RAF1: variants seen among roughly 807,000 people sequenced by gnomAD.
The protein encoded by RAF1 is RAF proto-oncogene serine/threonine-protein kinase.
In RAF1, 27 loss-of-function variants were observed where a neutral mutation model predicts 81.1. The observed-to-expected ratio is 0.33, with a 90% CI of 0.25 to 0.46. The LOEUF (loss-of-function observed/expected upper bound fraction) is 0.46, where lower values mean the gene tolerates loss of function less well. RAF1 is among the 20% of genes least tolerant of loss of function. RAF1 has a pLI of 1.00. For missense variants in RAF1, 598 were observed against 826.0 expected (o/e 0.72, Z 3.38); for synonymous variants, 298 against 294.0 (o/e 1.01, Z -0.14).
chr3:12,603,382 A>T (rs5746212), intron 8 of RAF1: 8,368 of 564,226 alleles, frequency 0.015, 102 homozygotes, highest in Admixed American at 0.041. Flanking sequence ...TATAAATTTA[A>T]CTTAGCAACT....
rs1189963978 is a variant in RAF1, at chr3:12,612,006, C to G, written c.264G>C (p.Val88=). The change falls in exon 3 of 18, where the codon GTG becomes GTC. Residue 88 remains valine, a synonymous_variant. Transcript: ENST00000442415. Reference sequence around the variant, plus strand: ...CACAGCACTCTGGTTGCAGGCCCCTCACCTTGAGTGCTTTCATAAGGCAGT... The same window carrying G: ...CACAGCACTCTGGTTGCAGGCCCCTGACCTTGAGTGCTTTCATAAGGCAGT... 6.2e-7 allele frequency: 1 copy of G among 1,614,192 alleles called. No homozygotes were observed. The highest frequency in any genetic ancestry group is 8.5e-7 in the Non-Finnish European group (1 of 1,180,032).
chr3:12,615,646 C>T (rs949419125), intron 2 of RAF1, among the ~76,000 whole-genome samples: 4 of 152,272 alleles, frequency 2.6e-5, no homozygotes, highest in East Asian at 1.9e-4. Context: ...CAAAACTAAC[C>T]TAGGCTACAA....
At chr3:12,591,668 C>G in intron 12 of RAF1, 40 bp downstream of exon 11, 1 of 1,555,682 alleles carries the variant, frequency 6.4e-7, no homozygotes, top group African/African-American at 1.4e-5. Flanking sequence ...CTCCCCACTC[C>G]AGCACTCCAG....
At chr3:12,611,188 A>G (rs1259475786) in intron 3 of RAF1, among the ~76,000 whole-genome samples, 2 of 152,040 alleles carry the variant, frequency 1.3e-5, no homozygotes, top group African/African-American at 4.8e-5. Flanking sequence ...AACATTATCA[A>G]TACCTAACAT....
chr3:12,647,935 G>C (rs1450921958), intron 1 of RAF1, among the ~76,000 whole-genome samples: 1 of 152,156 alleles, frequency 6.6e-6, no homozygotes, highest in Non-Finnish European at 1.5e-5. Flanking sequence ...CATTTTAAAA[G>C]TGTAACTTTA....
chr3:12,612,736 TTAAGAAAGTGG>T (rs1223550747), intron 2 of RAF1, among the ~76,000 whole-genome samples: 1 of 151,554 alleles, frequency 6.6e-6, no homozygotes, highest in Non-Finnish European at 1.5e-5. Flanking sequence ...CAAGAGACAG[TTAAGAAAGTGG>T]TTAGAAAGTG....
intron 11 of RAF1, among the ~76,000 whole-genome samples, chr3:12,593,804 T>C (rs2058602581): frequency 2.2e-5 from 3 of 138,730 alleles, no homozygotes; most frequent in South Asian, 4.3e-4. Flanking sequence ...TTTTTTTTTT[T>C]TCTTTTTTAG....
At chr3:12,605,250 A>ATGTATGTGTGTGTGTG (rs1553614000) in intron 6 of RAF1, among the ~76,000 whole-genome samples, 1 of 144,538 alleles carries the variant, frequency 6.9e-6, no homozygotes, top group Non-Finnish European at 1.5e-5. Context: ...ATTACACATT[A>ATGTATGTGTGTGTGTG]TGTGTGTGTG....
chr3:12,625,607 T>C (rs1284101317), intron 1 of RAF1, among the ~76,000 whole-genome samples: 2 of 152,100 alleles, frequency 1.3e-5, no homozygotes, highest in Non-Finnish European at 2.9e-5. Context: ...GAACTAAAAT[T>C]GGAACAATTT....
In RAF1 at chr3:12,643,834, C is replaced by T. The variant is rs556505196; in HGVS notation, c.-27+19979G>A. Reference sequence around the variant, plus strand: ...CTGAGAAGTGATCTTACATAGGAATCTTGTATAATTTATTCTGATGCTCAT... The same window carrying T: ...CTGAGAAGTGATCTTACATAGGAATTTTGTATAATTTATTCTGATGCTCAT... On this transcript the variant is annotated intron_variant, in intron 1 of 17. Transcript: ENST00000442415. Among the ~76,000 whole-genome samples the T allele has an allele frequency of 4.5e-4, 68 of 152,208 alleles. No individual in the cohort carries two copies. In the Middle Eastern group the frequency reaches 0.01, roughly 23 times the overall value.
chr3:12,592,001 C>A, intron 11 of RAF1: 1 of 597,544 alleles, frequency 1.7e-6, no homozygotes, highest in Non-Finnish European at 3.0e-6. Context: ...CAGCCTTGAC[C>A]TCCAGGGCTT....
At chr3:12,611,045 G>A (rs1008986569) in intron 3 of RAF1, among the ~76,000 whole-genome samples, 2 of 151,968 alleles carry the variant, frequency 1.3e-5, no homozygotes, top group African/African-American at 2.4e-5. Flanking sequence ...TCAATCTCCC[G>A]AGGATAGCAT....
intron 1 of RAF1, among the ~76,000 whole-genome samples, chr3:12,657,147 A>C (rs897988236): frequency 1.3e-5 from 2 of 152,164 alleles, no homozygotes; most frequent in African/African-American, 4.8e-5. Context: ...CTGGCTTTTG[A>C]TTTCCACTAA....
intron 13 of RAF1, chr3:12,588,600 T>C (rs2058405135): frequency 6.6e-6 from 1 of 152,198 alleles, no homozygotes; most frequent in Non-Finnish European, 1.5e-5. Context: ...AGTATTATAA[T>C]CTTGTGGGAC....
At chr3:12,642,886 C>G (rs568381031) in intron 1 of RAF1, among the ~76,000 whole-genome samples, 10 of 146,608 alleles carry the variant, frequency 6.8e-5, no homozygotes, top group African/African-American at 2.5e-4. Context: ...GACTCTGTCT[C>G]AGAAAAAAAA....
At chr3:12,628,185 G>A (rs750179909) in intron 1 of RAF1, among the ~76,000 whole-genome samples, 1 of 152,228 alleles carries the variant, frequency 6.6e-6, no homozygotes, top group Non-Finnish European at 1.5e-5. Flanking sequence ...GCCTGGCCAG[G>A]TGCGGTAGTT....
chr3:12,634,189 C>A (rs1197391612), intron 1 of RAF1, among the ~76,000 whole-genome samples: 1 of 151,012 alleles, frequency 6.6e-6, no homozygotes, highest in Non-Finnish European at 1.5e-5. Context: ...GCTCTATCAC[C>A]CATGCTGGAG....
At chr3:12,618,997 G>A (rs979999596) in intron 1 of RAF1, among the ~76,000 whole-genome samples, 16 of 152,214 alleles carry the variant, frequency 1.1e-4, no homozygotes, top group African/African-American at 3.9e-4. Context: ...TGTAATCCCA[G>A]CACTTTGGGA....
At chr3:12,594,838 A>G (rs2058635625) in intron 11 of RAF1, among the ~76,000 whole-genome samples, 1 of 152,208 alleles carries the variant, frequency 6.6e-6, no homozygotes, top group Non-Finnish European at 1.5e-5. Context: ...GACAGTGCCC[A>G]TGGTACTTGC....
Sources: gnomAD v4.1 joint callset for allele counts (sites outside exome capture counted in the v4.1 genomes callset) on GRCh38, gnomAD v4.1.1 for gene constraint, MANE v1.5 for transcripts, NCBI Gene and HGNC (gene_info 2026-07-23, HGNC 2026-07-21) for gene names.